PCDH15: variants seen among roughly 807,000 people sequenced by gnomAD.
PCDH15 encodes protocadherin related 15.
PCDH15 carries 129 observed loss-of-function variants against 178.5 expected under a neutral mutation model. The ratio of observed to expected loss-of-function variants is 0.72; its 90% CI spans 0.63 to 0.84. The LOEUF is 0.84. Among genes scored for constraint, PCDH15 ranks in the 40% least tolerant of loss-of-function variants. The probability of loss-of-function intolerance (pLI) is 0.00; values close to 1 mark genes in which losing one functional copy is unlikely to be tolerated. For synonymous variants in PCDH15, 800 were observed against 732.0 expected, an observed-to-expected ratio of 1.09 and a Z score of -1.50; for missense variants, 2,230 against 2,099.9, an observed-to-expected ratio of 1.06 and a Z score of -1.21.
intron 1 of PCDH15, among the ~76,000 whole-genome samples, chr10:54,786,669 G>A (rs1390893614): frequency 6.6e-6 from 1 of 151,912 alleles, no homozygotes; most frequent in Non-Finnish European, 1.5e-5. Context: ...TGAAGGGTAT[G>A]CTTTGTGGAA....
chr10:55,603,452 C>T (rs895193534), intron 2 of PCDH15, among the ~76,000 whole-genome samples: 2 of 151,556 alleles, frequency 1.3e-5, no homozygotes, highest in Non-Finnish European at 2.9e-5. Flanking sequence ...TCAGATTCAC[C>T]AAAGTTGAAA....
At chr10:55,508,616 T>G (rs1216930327) in intron 2 of PCDH15, among the ~76,000 whole-genome samples, 1 of 151,772 alleles carries the variant, frequency 6.6e-6, no homozygotes, top group Non-Finnish European at 1.5e-5. Context: ...TGAACATAAC[T>G]TCAGATTTTA....
At chr10:54,152,972 G>T in intron 14 of PCDH15, 128 bp downstream of exon 14, 4 of 1,130,244 alleles carry the variant, frequency 3.5e-6, no homozygotes, top group Non-Finnish European at 5.2e-6. Flanking sequence ...TGAGAATCTG[G>T]TCTCTCTGAT....
chr10:55,593,929 C>T (rs769003025), intron 2 of PCDH15, among the ~76,000 whole-genome samples: 9 of 151,760 alleles, frequency 5.9e-5, no homozygotes, highest in Non-Finnish European at 1.3e-4. Context: ...ATGGCAATTT[C>T]TATACATGTA....
At chr10:54,635,162 T>TATAA (rs67991291) in intron 2 of PCDH15, among the ~76,000 whole-genome samples, 7,353 of 145,396 alleles carry the variant, frequency 0.051, 231 homozygotes, top group African/African-American at 0.077. Context: ...AATAGTCTCC[T>TATAA]ATAAATAAAT....
chr10:54,874,041 A>T (rs1159259164), intron 3 of PCDH15, among the ~76,000 whole-genome samples: 14 of 121,038 alleles, frequency 1.2e-4, no homozygotes, highest in East Asian at 2.4e-4. Flanking sequence ...TTACATATGT[A>T]TACATGTGCC....
At chr10:54,365,694 T>C (rs1431818272) in intron 5 of PCDH15, among the ~76,000 whole-genome samples, 3 of 152,140 alleles carry the variant, frequency 2.0e-5, no homozygotes, top group Non-Finnish European at 4.4e-5. Context: ...AGCAACTGTG[T>C]AATTTTTTCT....
intron 2 of PCDH15, among the ~76,000 whole-genome samples, chr10:54,605,134 CT>C (rs2092691831): frequency 1.3e-5 from 2 of 151,810 alleles, no homozygotes; most frequent in South Asian, 2.1e-4. Flanking sequence ...ATATTTAATA[CT>C]TTTTTAAATT....
At chr10:54,804,191 C>G (rs1353509359), upstream of PCDH15, among the ~76,000 whole-genome samples, 5 of 152,136 alleles carry the variant, frequency 3.3e-5, no homozygotes, top group Non-Finnish European at 2.9e-5. Flanking sequence ...AGGCGCCCAC[C>G]ACCACGCCCA....
intron 2 of PCDH15, among the ~76,000 whole-genome samples, chr10:55,376,698 A>G (rs954884828): frequency 6.6e-6 from 1 of 152,150 alleles, no homozygotes; most frequent in South Asian, 2.1e-4. Flanking sequence ...TTAGTTCAGG[A>G]CTTTCAGATT....
chr10:55,514,966 TATAG>T (rs200628986), intron 2 of PCDH15, among the ~76,000 whole-genome samples: 12 of 149,748 alleles, frequency 8.0e-5, no homozygotes, highest in African/African-American at 2.5e-4. Context: ...GCAAAATATA[TATAG>T]ATAGATAGAT....
At chr10:54,586,372 G>A (rs1284839408) in intron 2 of PCDH15, among the ~76,000 whole-genome samples, 2 of 152,116 alleles carry the variant, frequency 1.3e-5, no homozygotes, top group Non-Finnish European at 2.9e-5. Flanking sequence ...ACTTCAAGAG[G>A]TTTATTAGTC....
intron 2 of PCDH15, among the ~76,000 whole-genome samples, chr10:54,580,681 A>G (rs2090954028): frequency 6.6e-6 from 1 of 152,068 alleles, no homozygotes. Flanking sequence ...CATGATGAAC[A>G]TAAACACAAA....
chr10:55,231,727 T>C (rs1183636257), intron 1 of PCDH15, among the ~76,000 whole-genome samples: 1 of 151,982 alleles, frequency 6.6e-6, no homozygotes, highest in Non-Finnish European at 1.5e-5. Context: ...GTATTCAAAT[T>C]GTCAAATGAA....
chr10:53,843,529 A>G (rs2132816242), intron 28 of PCDH15, among the ~76,000 whole-genome samples: 1 of 152,152 alleles, frequency 6.6e-6, no homozygotes, highest in African/African-American at 2.4e-5. Context: ...TGTAATGTTA[A>G]TAATGCTTAG....
chr10:54,096,141 C>T (rs2094695077), intron 15 of PCDH15, among the ~76,000 whole-genome samples: 2 of 151,890 alleles, frequency 1.3e-5, no homozygotes, highest in Admixed American at 6.6e-5. Flanking sequence ...ATATTCTATG[C>T]CTTTTGAAAC....
Position 55,500,664 on chromosome 10 carries a change from T to C in PCDH15, c.-156+126961A>G, listed in dbSNP as rs537904463. On this transcript the variant is annotated intron_variant, in intron 2 of 5. Transcript: ENST00000613346. ...AGAATAGTGAGACCCTGATCATCCA[T>C]ATGGAATTATGGACAGAAATCTGTG... Among the ~76,000 whole-genome samples the C allele has an allele frequency of 2.0e-5, 3 of 151,874 alleles. No homozygotes were observed. The South Asian group carries it at 6.2e-4, about 31-fold the overall frequency.
intron 8 of PCDH15, among the ~76,000 whole-genome samples, chr10:54,304,771 A>G (rs1406478461): frequency 1.3e-5 from 2 of 152,078 alleles, no homozygotes; most frequent in Non-Finnish European, 2.9e-5. Context: ...TGGCTTATGT[A>G]TAAGATTTCT....
chr10:54,352,939 C>A (rs546323880), intron 5 of PCDH15, among the ~76,000 whole-genome samples: 2 of 152,172 alleles, frequency 1.3e-5, no homozygotes, highest in South Asian at 4.1e-4. Flanking sequence ...TTAATCCCTG[C>A]CTTGGAAATA....
Sources: allele counts gnomAD v4.1 joint callset (sites outside exome capture counted in the v4.1 genomes callset), GRCh38; gene constraint gnomAD v4.1.1; transcripts MANE v1.5; gene names NCBI Gene and HGNC (gene_info 2026-07-23, HGNC 2026-07-21).